ACTR3C: variants seen among roughly 807,000 people sequenced by gnomAD.
ACTR3C encodes actin related protein 3C.
Under a neutral mutation model 26.3 loss-of-function variants are expected in ACTR3C, and 18 were observed. The ratio of observed to expected loss-of-function variants is 0.68; its 90% CI spans 0.47 to 1.01. ACTR3C has a LOEUF of 1.01. ACTR3C is among the 50% of genes least tolerant of loss of function. The pLI, the probability that ACTR3C is intolerant of heterozygous loss-of-function variation, is 0.00. For synonymous variants in ACTR3C, 55 were observed against 94.5 expected (o/e 0.58, Z 2.42); for missense variants, 184 against 250.7 (o/e 0.73, Z 1.80).
At chr7:150,269,464 C>T (rs1471401642) in intron 6 of ACTR3C, among the ~76,000 whole-genome samples, 1 of 150,522 alleles carries the variant, frequency 6.6e-6, no homozygotes, top group African/African-American at 2.5e-5. Context: ...ATCACCAGGC[C>T]GCTCGCAGGT....
At chr7:150,112,881 A>G in the ACTR3C span, among the ~76,000 whole-genome samples, 3 of 152,028 alleles carry the variant, frequency 2.0e-5, no homozygotes, top group African/African-American at 7.2e-5. Context: ...AAGCTGACCA[A>G]TTCCATACTG....
the ACTR3C span, among the ~76,000 whole-genome samples, chr7:149,989,888 T>C: frequency 6.6e-6 from 1 of 152,186 alleles, no homozygotes. Flanking sequence ...AAAACTCACA[T>C]TCCCTCTAAC....
chr7:150,205,591 G>A, the ACTR3C span, among the ~76,000 whole-genome samples: 3 of 152,000 alleles, frequency 2.0e-5, no homozygotes, highest in African/African-American at 7.3e-5. Context: ...AAAAAAGCAA[G>A]ATACAATACA....
chr7:150,170,354 T>C, the ACTR3C span, among the ~76,000 whole-genome samples: 6 of 150,858 alleles, frequency 4.0e-5, no homozygotes, highest in African/African-American at 1.0e-4. Flanking sequence ...ATGTTCTCTC[T>C]GCTAGAAGCA....
At chr7:150,031,329 A>C in the ACTR3C span, among the ~76,000 whole-genome samples, 1 of 152,082 alleles carries the variant, frequency 6.6e-6, no homozygotes, top group East Asian at 1.9e-4. Flanking sequence ...CAGTAGTCAC[A>C]GAAGTGTGAA....
the ACTR3C span, among the ~76,000 whole-genome samples, chr7:150,131,992 G>A: frequency 1.1e-4 from 17 of 152,356 alleles, no homozygotes; most frequent in Non-Finnish European, 2.1e-4. Context: ...TATATGGAAT[G>A]ATAGTTGCGG....
chr7:150,295,262 A>G lies in ACTR3C; in HGVS notation c.35T>C (p.Ile12Thr). The G allele has an allele frequency of 6.2e-7, 1 of 1,614,026 alleles. No individual in the cohort carries two copies. The highest frequency in any genetic ancestry group is 8.5e-7 in the Non-Finnish European group (1 of 1,179,870). Reference protein sequence around the residue: ...FESFNVPGLYIAVQAVLALAA... With the variant: ...FESFNVPGLYTAVQAVLALAA... ...CATAACTGGTTTTACCTGAACTGCA[A>G]TGTAGAGTCCTGGAACGTTAAATGA... Residue 12 changes from isoleucine (I) to threonine (T), a missense_variant, in exon 2 of 8, where the codon ATT becomes ACT. Transcript: ENST00000683684.
chr7:150,280,990 C>T (rs1835286990), intron 6 of ACTR3C, among the ~76,000 whole-genome samples: 1 of 152,240 alleles, frequency 6.6e-6, no homozygotes. Context: ...AGAGAGACGA[C>T]CTCTTCTGAA....
the ACTR3C span, among the ~76,000 whole-genome samples, chr7:150,227,688 G>GTGTTTTTTTTTTTTTT: frequency 4.5e-5 from 5 of 111,378 alleles, 1 homozygote; most frequent in South Asian, 5.7e-4. Flanking sequence ...TTGTGTCTGG[G>GTGTTTTTTTTTTTTTT]TTTTTTTTTT....
the ACTR3C span, among the ~76,000 whole-genome samples, chr7:150,207,814 TG>T: frequency 2.0e-5 from 3 of 151,928 alleles, no homozygotes; most frequent in Admixed American, 2.0e-4. Flanking sequence ...AGTATGGGTT[TG>T]TCTTAGTTAT....
the ACTR3C span, among the ~76,000 whole-genome samples, chr7:150,182,147 T>A: frequency 2.5e-3 from 372 of 150,342 alleles, 11 homozygotes; most frequent in East Asian, 4.4e-3. Flanking sequence ...TTCCCAACCA[T>A]GCATCACCAA....
chr7:149,918,986 C>T, the ACTR3C span, among the ~76,000 whole-genome samples: 1 of 152,186 alleles, frequency 6.6e-6, no homozygotes, highest in African/African-American at 2.4e-5. Flanking sequence ...GACCCTCTGC[C>T]GCCCCACACT....
chr7:150,233,022 G>C, the ACTR3C span, among the ~76,000 whole-genome samples: 1 of 152,054 alleles, frequency 6.6e-6, no homozygotes, highest in African/African-American at 2.4e-5. Context: ...AAGAAAAAAA[G>C]ATTTTCTTTT....
chr7:150,323,511 A>T lies in ACTR3C; in HGVS notation c.-94T>A, dbSNP rs967329899. On this transcript the variant is annotated 5_prime_UTR_variant, in exon 1 of 8. Coordinates refer to ENST00000683684, the MANE Select transcript of ACTR3C (RefSeq NM_001164458.2). ...GCTCTGCGGTGCGGAGTTGCGCCGG[A>T]CTTCCCAGCTTGGCCAGTGGCTCCG... 1 of 435,270 alleles carries T rather than the reference A, an allele frequency of 2.3e-6. No homozygotes were observed. Among genetic ancestry groups the T allele is most frequent in the African/African-American group, 2.1e-5 (1 of 47,392 alleles). The allele number at this position is 435,270 out of a possible 1,614,324, so 27.0% of individuals were successfully genotyped here.
At chr7:150,034,829 C>G in the ACTR3C span, among the ~76,000 whole-genome samples, 297 of 145,020 alleles carry the variant, frequency 2.0e-3, 3 homozygotes, top group African/African-American at 7.4e-3. Context: ...GTGCCTCCCC[C>G]CTCTGCGATG....
chr7:150,025,703 C>T, the ACTR3C span, among the ~76,000 whole-genome samples: 2 of 152,038 alleles, frequency 1.3e-5, no homozygotes, highest in South Asian at 2.1e-4. Context: ...ATGGATGAAA[C>T]GAGATTGCCG....
intron 6 of ACTR3C, among the ~76,000 whole-genome samples, chr7:150,254,354 G>A (rs1269926901): frequency 6.6e-6 from 1 of 152,166 alleles, no homozygotes; most frequent in Non-Finnish European, 1.5e-5. Context: ...CATAATGTTT[G>A]TAGTTCTTTG....
At chr7:149,998,855 A>C in the ACTR3C span, among the ~76,000 whole-genome samples, 1 of 150,500 alleles carries the variant, frequency 6.6e-6, no homozygotes, top group African/African-American at 2.4e-5. Context: ...ATAAGACTAG[A>C]TCACAGGAAG....
At chr7:150,163,635 A>G in the ACTR3C span, among the ~76,000 whole-genome samples, 2 of 152,114 alleles carry the variant, frequency 1.3e-5, no homozygotes, top group African/African-American at 2.4e-5. Flanking sequence ...TGCCATCTGC[A>G]GACTGAAGAG....
Sources: gnomAD v4.1 joint callset for allele counts (sites outside exome capture counted in the v4.1 genomes callset) on GRCh38, gnomAD v4.1.1 for gene constraint, MANE v1.5 for transcripts, NCBI Gene and HGNC (gene_info 2026-07-23, HGNC 2026-07-21) for gene names.